TMEM175: variants seen among roughly 807,000 people sequenced by gnomAD.
The protein encoded by TMEM175 is transmembrane protein 175.
A neutral mutation model predicts 36.5 loss-of-function variants in TMEM175; 36 were observed. The ratio of observed to expected loss-of-function variants is 0.99; its 90% CI spans 0.76 to 1.30. TMEM175 has a LOEUF of 1.30. Ranked by LOEUF, TMEM175 falls within the 50% of genes most tolerant of loss-of-function variation. TMEM175 has a pLI of 0.00. For missense variants in TMEM175, 705 were observed against 692.8 expected, an observed-to-expected ratio of 1.02 and a Z score of -0.20; for synonymous variants, 339 against 313.4, an observed-to-expected ratio of 1.08 and a Z score of -0.86.
intron 3 of TMEM175, chr4:948,634 A>T: frequency 1.6e-6 from 2 of 1,257,692 alleles, no homozygotes; most frequent in Non-Finnish European, 1.0e-6. Flanking sequence ...GAAAGGGTTT[A>T]CAAGCAGAGT....
chr4:955,858 C>T lies in TMEM175; in HGVS notation c.810C>T (p.Ala270=). The stretch of plus-strand genomic sequence containing the variant: ...AAGCCTTCAGCGACGGAGTCTACGC[C>T]ATCGTGGCCACGCTTCTCATCCTGG... ...RVEAFSDGVY[A]IVATLLILDI... is the part of the protein sequence containing the mutation. The change falls in exon 10 of 11, where the codon GCC becomes GCT. Residue 270 remains alanine (A), a synonymous_variant. Coordinates refer to ENST00000264771, the MANE Select transcript of TMEM175 (RefSeq NM_032326.4). 1 of 1,613,998 alleles carries T rather than the reference C, an allele frequency of 6.2e-7. No homozygotes were observed. The highest frequency in any genetic ancestry group is 8.5e-7 in the Non-Finnish European group (1 of 1,179,924).
intron 10 of TMEM175, chr4:956,341 T>C (rs1485881250): frequency 7.8e-7 from 1 of 1,290,106 alleles, no homozygotes; most frequent in South Asian, 1.2e-5. Context: ...TTTGGCTGGC[T>C]GTTGCTTCCT....
Position 955,821 on chromosome 4 carries a change from A to C in TMEM175, c.773A>C (p.Lys258Thr). Residue 258 changes from lysine to threonine, a missense_variant, in exon 10 of 11, where the codon AAG (lysine) becomes ACG (threonine). Coordinates refer to ENST00000264771, the MANE Select transcript of TMEM175 (RefSeq NM_032326.4). Reference protein sequence around the residue: ...FSFDLHEPLSKERVEAFSDGV... With the variant: ...FSFDLHEPLSTERVEAFSDGV... ...TTTGACCTCCACGAGCCACTCAGCAAGGAGCGCGTGGAAGCCTTCAGCGAC... is the reference window on the plus strand; with the variant it reads ...TTTGACCTCCACGAGCCACTCAGCACGGAGCGCGTGGAAGCCTTCAGCGAC... The C allele has an allele frequency of 6.2e-7, 1 of 1,614,066 alleles. No individual in the cohort carries two copies. Among genetic ancestry groups the C allele is most frequent in the Non-Finnish European group, 8.5e-7 (1 of 1,179,998 alleles).
intron 4 of TMEM175, 140 bp from the exon 5 acceptor site, chr4:951,067 G>A (rs1728831665): frequency 2.4e-6 from 2 of 843,274 alleles, no homozygotes; most frequent in Admixed American, 4.4e-5. Context: ...CAAACTCCGT[G>A]CACTAGGTAG....
chr4:951,655 T>C (rs1027062955), intron 5 of TMEM175, 27 bp from the exon 6 acceptor site: 4 of 1,613,848 alleles, frequency 2.5e-6, no homozygotes, highest in Non-Finnish European at 3.4e-6. Context: ...GGCCGCATCA[T>C]GGCTGTGATG....
intron 1 of TMEM175, among the ~76,000 whole-genome samples, chr4:939,640 C>G (rs1727199265): frequency 6.6e-6 from 1 of 152,118 alleles, no homozygotes; most frequent in African/African-American, 2.4e-5. Flanking sequence ...TGCTTAAACC[C>G]AGGAGGTGGA....
intron 9 of TMEM175, 82 bp downstream of exon 9, chr4:955,565 C>T (rs974397557): frequency 1.9e-5 from 29 of 1,503,666 alleles, no homozygotes; most frequent in Middle Eastern, 3.8e-4. Context: ...GAGGGCTGTC[C>T]GTGGGCCGAG....
At chr4:937,018 T>C (rs1488826591) in intron 1 of TMEM175, among the ~76,000 whole-genome samples, 5 of 151,964 alleles carry the variant, frequency 3.3e-5, no homozygotes, top group Admixed American at 2.0e-4. Context: ...TGCATACAAT[T>C]AAGGCATTGC....
intron 3 of TMEM175, among the ~76,000 whole-genome samples, chr4:949,171 G>A (rs978662342): frequency 4.6e-5 from 7 of 152,174 alleles, no homozygotes; most frequent in South Asian, 4.1e-4. Flanking sequence ...GAACGGGGTC[G>A]CTGAGGTACG....
intron 5 of TMEM175, 121 bp from the exon 6 acceptor site, chr4:951,561 C>A: frequency 1.5e-6 from 2 of 1,322,002 alleles, no homozygotes; most frequent in Admixed American, 1.8e-5. Context: ...TGGACTCACA[C>A]TCGCTGGCCC....
At chr4:947,932 G>C (rs777165026) in intron 2 of TMEM175, 40 bp downstream of exon 2, 2 of 1,613,750 alleles carry the variant, frequency 1.2e-6, no homozygotes, top group South Asian at 2.2e-5. Context: ...CCCACCCCGA[G>C]CCTCTCGAGG....
At position 955,779 on chromosome 4, in the gene TMEM175, C is replaced by T. The variant is rs1467704555; in HGVS notation, c.731C>T (p.Pro244Leu). 1 of 1,613,560 alleles carries T rather than the reference C, an allele frequency of 6.2e-7. No individual in the cohort carries two copies. The highest frequency in any genetic ancestry group is 8.5e-7 in the Non-Finnish European group (1 of 1,179,972). ...LLGHREPSAH[P>L]VEVFSFDLHE... is the part of the protein sequence containing the mutation. ...GGCCACAGGGAGCCCTCGGCTCACC[C>T]AGTGGAAGTCTTCTCGTTTGACCTC... Residue 244 changes from proline (P) to leucine (L), a missense_variant, in exon 10 of 11, where the codon CCA (proline) becomes CTA (leucine). By Grantham distance (98) the Pro-to-Leu change is moderately conservative (BLOSUM62 -3). Coordinates refer to ENST00000264771, the MANE Select transcript of TMEM175 (RefSeq NM_032326.4).
At chr4:941,392 A>G (rs1287801253) in intron 1 of TMEM175, among the ~76,000 whole-genome samples, 1 of 149,866 alleles carries the variant, frequency 6.7e-6, no homozygotes, top group African/African-American at 2.4e-5. Flanking sequence ...AAAAAAAAAA[A>G]AAAAGAAACA....
intron 6 of TMEM175, 45 bp downstream of exon 6, chr4:951,762 C>T (rs1332018520): frequency 3.1e-6 from 5 of 1,600,404 alleles, no homozygotes; most frequent in Non-Finnish European, 4.3e-6. Context: ...TTGCTGGGCA[C>T]CACTGGATTT....
At chr4:947,179 C>T (rs1036459353) in intron 1 of TMEM175, among the ~76,000 whole-genome samples, 3 of 146,378 alleles carry the variant, frequency 2.0e-5, no homozygotes, top group Middle Eastern at 3.7e-3. Context: ...GCACAGGTGC[C>T]GAGACTGAGG....
At chr4:943,148 T>C (rs1021230873) in intron 1 of TMEM175, among the ~76,000 whole-genome samples, 12 of 152,342 alleles carry the variant, frequency 7.9e-5, no homozygotes, top group East Asian at 1.9e-4. Context: ...AGATGAAAGA[T>C]GCCTAATTAG....
In TMEM175 at chr4:958,642, A is replaced by C; in HGVS notation, c.*146A>C. ...TTTCATTGTGAAATATCATGCTCTT[A>C]TTTCAGTCCTCAAATTGTTCTCCAC... is the stretch of plus-strand genomic sequence containing the variant. On this transcript the variant is annotated 3_prime_UTR_variant, in exon 11 of 11. Transcript: ENST00000264771. The C allele has an allele frequency of 1.5e-6, 1 of 662,972 alleles. No homozygotes were observed. Among genetic ancestry groups the C allele is most frequent in the South Asian group, 2.1e-5 (1 of 48,146 alleles). 41.1% of individuals were successfully genotyped at this position (662,972 alleles called of 1,614,324 possible).
At chr4:941,488 C>T (rs1321570251) in intron 1 of TMEM175, among the ~76,000 whole-genome samples, 1 of 147,704 alleles carries the variant, frequency 6.8e-6, no homozygotes, top group Non-Finnish European at 1.5e-5. Flanking sequence ...ACTCAGGTTG[C>T]AGTGCAGTGG....
chr4:957,372 C>G lies in TMEM175; in HGVS notation c.843-452C>G, dbSNP rs182608352. On this transcript the variant is annotated intron_variant, in intron 10 of 10. Transcript: ENST00000264771. ...GGAGGGAGTTGGCCTCCTGAGACCC[C>G]CATGTGCATCTGAGAACCGTGGAGG... is the stretch of plus-strand genomic sequence containing the variant. 4.1e-4 allele frequency among the ~76,000 whole-genome samples: 63 copies of G among 152,338 alleles called. No individual in the cohort carries two copies. In the Middle Eastern group the frequency reaches 0.014, roughly 33 times the overall value.
Sources: gnomAD v4.1 joint callset for allele counts (sites outside exome capture counted in the v4.1 genomes callset) on GRCh38, gnomAD v4.1.1 for gene constraint, MANE v1.5 for transcripts, NCBI Gene and HGNC (gene_info 2026-07-23, HGNC 2026-07-21) for gene names.